TMEM108: variants seen among roughly 807,000 people sequenced by gnomAD.
TMEM108 encodes cancer/testis antigen 124.
A neutral mutation model predicts 35.1 loss-of-function variants in TMEM108; 12 were observed. The ratio of observed to expected loss-of-function variants is 0.34; its 90% CI spans 0.22 to 0.55. The LOEUF (loss-of-function observed/expected upper bound fraction) is 0.55, where lower values mean the gene tolerates loss of function less well. Ranked by LOEUF, TMEM108 falls within the 20% of genes least tolerant of loss-of-function variation. TMEM108 has a pLI of 0.89. For missense variants in TMEM108, 680 were observed against 753.3 expected, an observed-to-expected ratio of 0.90 and a Z score of 1.14; for synonymous variants, 287 against 308.6, an observed-to-expected ratio of 0.93 and a Z score of 0.73.
chr3:133,368,414 G>A (rs2107808346), intron 3 of TMEM108, among the ~76,000 whole-genome samples: 1 of 152,274 alleles, frequency 6.6e-6, no homozygotes, highest in Middle Eastern at 3.4e-3. Flanking sequence ...TTAGAACTCT[G>A]GAGAGAAATG....
chr3:133,365,552 C>T (rs1212147342), intron 3 of TMEM108, among the ~76,000 whole-genome samples: 2 of 152,168 alleles, frequency 1.3e-5, no homozygotes, highest in South Asian at 2.1e-4. Context: ...CTTTCTCTTA[C>T]TCCCGCTCTC....
intron 2 of TMEM108, among the ~76,000 whole-genome samples, chr3:133,178,147 C>T (rs571750671): frequency 0.018 from 2,664 of 152,222 alleles, 77 homozygotes; most frequent in African/African-American, 0.061. Flanking sequence ...CAAACCACTG[C>T]TCAATGAAAT....
At chr3:133,102,343 G>A (rs1187566562) in intron 2 of TMEM108, among the ~76,000 whole-genome samples, 4 of 152,276 alleles carry the variant, frequency 2.6e-5, no homozygotes, top group South Asian at 2.1e-4. Flanking sequence ...TAAATATGTC[G>A]TGGTCTCTCC....
At chr3:133,063,012 G>A (rs1943553876) in intron 2 of TMEM108, among the ~76,000 whole-genome samples, 1 of 152,180 alleles carries the variant, frequency 6.6e-6, no homozygotes, top group African/African-American at 2.4e-5. Flanking sequence ...TGAGGAGGGT[G>A]AGGGACAGTG....
intron 3 of TMEM108, among the ~76,000 whole-genome samples, chr3:133,284,461 A>G (rs1039514570): frequency 3.3e-5 from 5 of 152,244 alleles, no homozygotes; most frequent in African/African-American, 1.2e-4. Flanking sequence ...TCTAAGCACC[A>G]ACAACAGATT....
chr3:133,310,183 T>G (rs1175918010), intron 3 of TMEM108, among the ~76,000 whole-genome samples: 1 of 152,180 alleles, frequency 6.6e-6, no homozygotes, highest in Non-Finnish European at 1.5e-5. Context: ...ATTCTGTTGA[T>G]ATGGGGTGGA....
At chr3:133,389,203 C>T in intron 4 of TMEM108, 1 of 985,626 alleles carries the variant, frequency 1.0e-6, no homozygotes, top group Non-Finnish European at 1.2e-6. Context: ...ACAAGCCACT[C>T]AATTCACACA....
At chr3:133,058,614 G>C (rs925295843) in intron 2 of TMEM108, among the ~76,000 whole-genome samples, 1 of 152,242 alleles carries the variant, frequency 6.6e-6, no homozygotes, top group African/African-American at 2.4e-5. Context: ...CTTGAGGGGT[G>C]AGAGGCCCCC....
intron 1 of TMEM108, among the ~76,000 whole-genome samples, chr3:133,038,716 A>AC (rs1943236613): frequency 6.6e-6 from 1 of 151,624 alleles, no homozygotes; most frequent in Non-Finnish European, 1.5e-5. Flanking sequence ...GCTGGCATGA[A>AC]CCCCCTCCCC....
At chr3:133,039,309 G>A (rs1943245749) in intron 1 of TMEM108, among the ~76,000 whole-genome samples, 1 of 152,146 alleles carries the variant, frequency 6.6e-6, no homozygotes, top group Non-Finnish European at 1.5e-5. Flanking sequence ...TTTTTCTGGG[G>A]GTACCCAGGA....
chr3:133,206,074 G>T (rs369985831), intron 2 of TMEM108, among the ~76,000 whole-genome samples: 6 of 152,084 alleles, frequency 3.9e-5, no homozygotes, highest in African/African-American at 1.4e-4. Flanking sequence ...TATCCTTTCT[G>T]CTGCCTGATC....
intron 2 of TMEM108, among the ~76,000 whole-genome samples, chr3:133,109,701 T>C (rs76377683): frequency 0.031 from 4,684 of 152,240 alleles, 130 homozygotes; most frequent in South Asian, 0.064. Flanking sequence ...CATAAAGGTA[T>C]GGAAAACATG....
chr3:133,253,879 GATAAC>G (rs1946506912), intron 3 of TMEM108, among the ~76,000 whole-genome samples: 1 of 152,170 alleles, frequency 6.6e-6, no homozygotes, highest in African/African-American at 2.4e-5. Flanking sequence ...AAAGGAAAAA[GATAAC>G]ATGCCTGATC....
intron 3 of TMEM108, 80 bp downstream of exon 3, chr3:133,229,431 A>G (rs1226943182): frequency 3.1e-5 from 43 of 1,406,034 alleles, no homozygotes; most frequent in Non-Finnish European, 4.0e-5. Flanking sequence ...TACTTTTTGG[A>G]CGGAGACCAG....
chr3:133,213,019 C>T (rs1233322310), intron 2 of TMEM108, among the ~76,000 whole-genome samples: 3 of 152,068 alleles, frequency 2.0e-5, no homozygotes, highest in Non-Finnish European at 4.4e-5. Context: ...CATTATAACC[C>T]AAACCCAGCC....
intron 1 of TMEM108, among the ~76,000 whole-genome samples, chr3:133,041,095 G>C (rs1391160415): frequency 6.6e-6 from 1 of 152,208 alleles, no homozygotes; most frequent in Non-Finnish European, 1.5e-5. Flanking sequence ...AAGCATTGGG[G>C]AAAGAGGAGA....
At chr3:133,180,103 T>C (rs1421867788) in intron 2 of TMEM108, among the ~76,000 whole-genome samples, 1 of 152,208 alleles carries the variant, frequency 6.6e-6, no homozygotes, top group East Asian at 1.9e-4. Context: ...TATCACTAGT[T>C]ACTAAATATC....
chr3:133,381,136 C>T lies in TMEM108; in HGVS notation c.1425C>T (p.Ala475=). 1 of 1,605,434 alleles carries T rather than the reference C, an allele frequency of 6.2e-7. No individual in the cohort carries two copies. Among genetic ancestry groups the T allele is most frequent in the Non-Finnish European group, 8.5e-7 (1 of 1,173,640 alleles). Residue 475 remains alanine (A), a synonymous_variant, in exon 4 of 6, where the codon GCC becomes GCT. Coordinates refer to ENST00000321871, the MANE Select transcript of TMEM108 (RefSeq NM_023943.4). ...TGGATATCGCCTGGGTGATCCTGGC[C>T]ATCAGCGTGCCCATCTCCTCCTGCT... ...SKMDIAWVIL[A]ISVPISSCSV... is the part of the protein sequence containing the mutation.
chr3:133,235,038 C>A (rs1423473791), intron 3 of TMEM108, among the ~76,000 whole-genome samples: 1 of 151,474 alleles, frequency 6.6e-6, no homozygotes, highest in African/African-American at 2.4e-5. Context: ...AGGAATCCAA[C>A]TTACAAGGGA....
Sources: gnomAD v4.1 joint callset for allele counts (sites outside exome capture counted in the v4.1 genomes callset) on GRCh38, gnomAD v4.1.1 for gene constraint, MANE v1.5 for transcripts, NCBI Gene and HGNC (gene_info 2026-07-23, HGNC 2026-07-21) for gene names.